The following MYH15 variants were observed in gnomAD, a reference collection of about 807,000 sequenced individuals.
MYH15 encodes myosin-15.
Under a neutral mutation model 240.5 loss-of-function variants are expected in MYH15, and 227 were observed. The ratio of observed to expected loss-of-function variants is 0.94; its 90% CI spans 0.85 to 1.05. MYH15 has a LOEUF of 1.05. MYH15 is among the 50% of genes least tolerant of loss of function. The pLI, the probability that MYH15 is intolerant of heterozygous loss-of-function variation, is 0.00. For synonymous variants in MYH15, 785 were observed against 796.7 expected, an observed-to-expected ratio of 0.99 and a Z score of 0.25; for missense variants, 2,217 against 2,247.5, an observed-to-expected ratio of 0.99 and a Z score of 0.27.
At chr3:108,437,893 A>C (rs2082854522) in intron 24 of MYH15, among the ~76,000 whole-genome samples, 194 bp from the exon 25 acceptor site, 1 of 152,236 alleles carries the variant, frequency 6.6e-6, no homozygotes, top group East Asian at 1.9e-4. Context: ...CAGAAATCAC[A>C]GGGATGGAAG....
At position 108,439,742 on chromosome 3, in the gene MYH15, C is replaced by A; in HGVS notation, c.3070G>T (p.Asp1024Tyr). 2 of 1,599,670 alleles carry A rather than the reference C, an allele frequency of 1.3e-6. No homozygotes were observed. The highest frequency in any genetic ancestry group is 1.1e-5 in the South Asian group (1 of 88,020). ...KANLKLEQQV[D>Y]ELEGALEQER... ...CCAGATACACCGTTACTGACCTCATCAACTTGCTGTTCCAGCTTCAGATTT... is the reference window on the plus strand; with the variant it reads ...CCAGATACACCGTTACTGACCTCATAAACTTGCTGTTCCAGCTTCAGATTT... The change falls in exon 24 of 41, where the codon GAT (aspartate) becomes TAT (tyrosine). Residue 1024 changes from aspartate to tyrosine, a missense_variant. By Grantham distance (160) the Asp-to-Tyr change is radical. Transcript: ENST00000693548.
chr3:108,384,910 CA>C, intron 38 of MYH15, 128 bp from the exon 39 acceptor site: 1 of 781,196 alleles, frequency 1.3e-6, no homozygotes, highest in Non-Finnish European at 2.0e-6. Flanking sequence ...GTGATTTTAA[CA>C]ATGGGTTTAA....
chr3:108,501,729 C>T lies in MYH15; in HGVS notation c.322G>A (p.Gly108Ser), dbSNP rs765794873. ...TTACACACATAGATCATCCACTGGC[C>T]ATAGCGCCGCTTCAGGGTATGCAGC... ...SVLHTLKRRY[G>S]QWMIYTYSGL... The change falls in exon 3 of 41, where the codon GGC (glycine) becomes AGC (serine). Residue 108 changes from glycine to serine, a missense_variant. By Grantham distance (56) the Gly-to-Ser change is moderately conservative. Transcript: ENST00000693548. 6.2e-7 allele frequency: 1 copy of T among 1,614,044 alleles called. No homozygotes were observed. The highest frequency in any genetic ancestry group is 8.5e-7 in the Non-Finnish European group (1 of 1,179,956).
intron 1 of MYH15, among the ~76,000 whole-genome samples, chr3:108,526,587 C>T (rs2083673475): frequency 6.6e-6 from 1 of 152,184 alleles, no homozygotes; most frequent in Non-Finnish European, 1.5e-5. Context: ...CTGATAGTTA[C>T]TTGAAACAAG....
intron 28 of MYH15, among the ~76,000 whole-genome samples, chr3:108,419,862 G>T (rs898198126): frequency 2.1e-4 from 32 of 151,744 alleles, no homozygotes; most frequent in African/African-American, 7.5e-4. Context: ...TAAGCATCAA[G>T]AATACATTGT....
At position 108,389,034 on chromosome 3, in the gene MYH15, C is replaced by A. The variant is rs767302033; in HGVS notation, c.5471G>T (p.Arg1824Leu). Residue 1824 changes from arginine to leucine, a missense_variant, in exon 38 of 41, where the codon CGC becomes CTC. Transcript: ENST00000693548. ...GGCTCCCCTCTGGGCCTCTGCACTG[C>A]GACGGATTTCACCCTCCAGTTCACC... ...LEGELEGEIRRSAEAQRGARR... is the reference protein window; with the variant it reads ...LEGELEGEIRLSAEAQRGARR... 7 of 1,613,802 alleles carry A rather than the reference C, an allele frequency of 4.3e-6. No homozygotes were observed. In the South Asian group the frequency reaches 7.7e-5, roughly 18 times the overall value.
chr3:108,402,797 C>A (rs1292033573), intron 33 of MYH15, among the ~76,000 whole-genome samples: 2 of 152,176 alleles, frequency 1.3e-5, no homozygotes, highest in Non-Finnish European at 2.9e-5. Flanking sequence ...GCAGGATGCA[C>A]CTGACCAACC....
At chr3:108,446,913 GACAAAGAATTCAAA>G (rs2082933090) in intron 21 of MYH15, among the ~76,000 whole-genome samples, 1 of 152,018 alleles carries the variant, frequency 6.6e-6, no homozygotes, top group Non-Finnish European at 1.5e-5. Flanking sequence ...ATGAATTGCT[GACAAAGAATTCAAA>G]ACAATGATCT....
At chr3:108,510,680 T>G (rs1353130941), upstream of MYH15, 1 of 1,263,970 alleles carries the variant, frequency 7.9e-7, no homozygotes, top group Non-Finnish European at 1.1e-6. Context: ...GACTAAAGAG[T>G]GTTAAGTTTT....
At chr3:108,395,164 G>A (rs745437818) in intron 35 of MYH15, among the ~76,000 whole-genome samples, 19 of 152,210 alleles carry the variant, frequency 1.2e-4, no homozygotes, top group Non-Finnish European at 2.4e-4. Context: ...AGTTATTCGG[G>A]AGGCTGAGGT....
the MYH15 span, among the ~76,000 whole-genome samples, chr3:108,541,950 T>C: frequency 6.6e-6 from 1 of 152,166 alleles, no homozygotes; most frequent in African/African-American, 2.4e-5. Flanking sequence ...TATACACATT[T>C]ATGTATTGCA....
chr3:108,488,247 C>T (rs761964536), intron 9 of MYH15, among the ~76,000 whole-genome samples: 78 of 152,230 alleles, frequency 5.1e-4, no homozygotes, highest in Admixed American at 1.0e-3. Context: ...TGCCTTATTT[C>T]ATTTAGCATA....
At chr3:108,449,411 A>G (rs2082954313) in intron 21 of MYH15, among the ~76,000 whole-genome samples, 1 of 152,120 alleles carries the variant, frequency 6.6e-6, no homozygotes, top group Non-Finnish European at 1.5e-5. Flanking sequence ...GGAACAGATC[A>G]GAGAACCCAG....
chr3:108,451,154 C>G (rs1474563856), intron 21 of MYH15, among the ~76,000 whole-genome samples: 1 of 152,080 alleles, frequency 6.6e-6, no homozygotes, highest in African/African-American at 2.4e-5. Context: ...CCAAGGCAGG[C>G]AGATCACGTG....
chr3:108,427,633 C>CAGAGAGAG (rs1208710683), intron 27 of MYH15, among the ~76,000 whole-genome samples: 1 of 110,968 alleles, frequency 9.0e-6, no homozygotes, highest in Non-Finnish European at 2.1e-5. Flanking sequence ...CACACACACA[C>CAGAGAGAG]ACAGAGAGAG....
At position 108,440,624 on chromosome 3, in the gene MYH15, A is replaced by G. The variant is rs565737779; in HGVS notation, c.2898+394T>C. On this transcript the variant is annotated intron_variant, in intron 23 of 40. Transcript: ENST00000693548. ...CATCTTCAAGGTCAAACTCCAAATCAATGACACAGCTGGGGACTCAGGCAC... is the reference window on the plus strand; with the variant it reads ...CATCTTCAAGGTCAAACTCCAAATCGATGACACAGCTGGGGACTCAGGCAC... Among the ~76,000 whole-genome samples, 3 of 152,074 alleles carry G rather than the reference A, an allele frequency of 2.0e-5. No homozygotes were observed. In the South Asian group the frequency reaches 6.2e-4, roughly 32 times the overall value.
rs2083222459 is a variant in MYH15, at chr3:108,476,494, A to T, written c.1136T>A (p.Leu379His). 6.2e-7 allele frequency: 1 copy of T among 1,612,262 alleles called. No individual in the cohort carries two copies. Among genetic ancestry groups the T allele is most frequent in the African/African-American group, 1.3e-5 (1 of 74,884 alleles). Residue 379 changes from leucine (L) to histidine (H), a missense_variant, in exon 12 of 41, where the codon CTC becomes CAC. Physicochemically the swap from Leu to His is moderately conservative, Grantham distance 99 (BLOSUM62 -3). Coordinates refer to ENST00000693548, the MANE Select transcript of MYH15 (RefSeq NM_014981.3). The stretch of plus-strand genomic sequence containing the variant: ...CAACTCAGAGGAGTTAATGCCCATG[A>T]GGAAAGCAGCTTTGTCAGCATCTGG... ...GTENADKAAF[L>H]MGINSSELVK...
At chr3:108,454,715 C>A (rs1200564798) in intron 20 of MYH15, among the ~76,000 whole-genome samples, 1 of 152,082 alleles carries the variant, frequency 6.6e-6, no homozygotes, top group East Asian at 1.9e-4. Flanking sequence ...ATCAAATAAT[C>A]CACAAAAGTA....
chr3:108,450,254 T>A (rs1158604691), intron 21 of MYH15, among the ~76,000 whole-genome samples: 4 of 152,208 alleles, frequency 2.6e-5, no homozygotes, highest in Admixed American at 2.6e-4. Flanking sequence ...TGCACTACTA[T>A]GTTCATTGTA....
Sources: allele counts gnomAD v4.1 joint callset (sites outside exome capture counted in the v4.1 genomes callset), GRCh38; gene constraint gnomAD v4.1.1; transcripts MANE v1.5; gene names NCBI Gene and HGNC (gene_info 2026-07-23, HGNC 2026-07-21).